The following PTPRD variants were observed in gnomAD, a reference collection of about 807,000 sequenced individuals.
The protein encoded by PTPRD is protein tyrosine phosphatase receptor type D, also known as receptor-type tyrosine-protein phosphatase delta.
PTPRD carries 34 observed loss-of-function variants against 214.5 expected under a neutral mutation model. That is an observed-to-expected ratio of 0.16 (90% CI 0.12 to 0.21). PTPRD has a LOEUF of 0.21. PTPRD is among the 10% of genes least tolerant of loss of function. The pLI is 1.00. For missense variants in PTPRD, 2,545 were observed against 2,398.7 expected (o/e 1.06, Z -1.27); for synonymous variants, 1,128 against 845.7 (o/e 1.33, Z -5.79).
At chr9:8,599,508 A>T (rs571214098) in intron 14 of PTPRD, among the ~76,000 whole-genome samples, 10 of 152,182 alleles carry the variant, frequency 6.6e-5, no homozygotes, top group Non-Finnish European at 1.0e-4. Flanking sequence ...TTTTTTCTTA[A>T]TTCAAAAGTA....
intron 8 of PTPRD, among the ~76,000 whole-genome samples, chr9:9,458,790 A>G (rs1014260691): frequency 6.6e-6 from 1 of 152,084 alleles, no homozygotes; most frequent in African/African-American, 2.4e-5. Context: ...ATGTACAAAA[A>G]TTAGCTGAGT....
chr9:9,860,229 T>G (rs190650901), intron 5 of PTPRD, among the ~76,000 whole-genome samples: 1 of 152,326 alleles, frequency 6.6e-6, no homozygotes, highest in East Asian at 1.9e-4. Flanking sequence ...TTTTTTACTG[T>G]GGAGTCACTA....
chr9:8,801,548 C>A (rs1449270927), intron 11 of PTPRD, among the ~76,000 whole-genome samples: 1 of 152,038 alleles, frequency 6.6e-6, no homozygotes, highest in Non-Finnish European at 1.5e-5. Flanking sequence ...GAAACCCCGT[C>A]TCTACTAAAA....
At chr9:8,336,360 C>G (rs1010473227) in intron 43 of PTPRD, among the ~76,000 whole-genome samples, 2 of 149,416 alleles carry the variant, frequency 1.3e-5, no homozygotes, top group African/African-American at 5.1e-5. Context: ...AAAGGCTCCT[C>G]TATTTAATAA....
At chr9:8,996,780 C>T (rs2099398515) in intron 11 of PTPRD, among the ~76,000 whole-genome samples, 1 of 152,008 alleles carries the variant, frequency 6.6e-6, no homozygotes, top group Non-Finnish European at 1.5e-5. Context: ...TAATCACCTC[C>T]CCAAGGCCCT....
chr9:9,734,385 G>A (rs1256593774), intron 7 of PTPRD, 148 bp downstream of exon 7: 1 of 151,996 alleles, frequency 6.6e-6, no homozygotes, highest in African/African-American at 2.4e-5. Context: ...CTGGACTTAT[G>A]AGATTCAAAC....
intron 11 of PTPRD, among the ~76,000 whole-genome samples, chr9:8,908,683 A>G (rs1298277256): frequency 6.6e-6 from 1 of 151,846 alleles, no homozygotes; most frequent in Non-Finnish European, 1.5e-5. Flanking sequence ...ATCTTAAGAA[A>G]CTATAAAAAG....
At chr9:8,922,817 T>TA (rs1588091966) in intron 11 of PTPRD, among the ~76,000 whole-genome samples, 1 of 150,766 alleles carries the variant, frequency 6.6e-6, no homozygotes, top group African/African-American at 2.4e-5. Flanking sequence ...CGGCTAATTT[T>TA]TTTTTTTTTT....
chr9:10,179,749 A>T (rs939029296), intron 3 of PTPRD, among the ~76,000 whole-genome samples: 1 of 152,092 alleles, frequency 6.6e-6, no homozygotes, highest in Admixed American at 6.6e-5. Flanking sequence ...ACTGAAGCGG[A>T]GACTAACTTG....
intron 9 of PTPRD, among the ~76,000 whole-genome samples, chr9:9,309,766 T>C (rs1356353929): frequency 6.6e-6 from 1 of 152,172 alleles, no homozygotes; most frequent in Non-Finnish European, 1.5e-5. Context: ...CACAGCATCT[T>C]AGGTAGTAAG....
intron 7 of PTPRD, among the ~76,000 whole-genome samples, chr9:9,669,835 T>C (rs1223722545): frequency 6.6e-6 from 1 of 152,156 alleles, no homozygotes; most frequent in Non-Finnish European, 1.5e-5. Context: ...TCAGCAAATT[T>C]AGATAGTGAC....
chr9:8,645,222 T>G (rs1056355432), intron 12 of PTPRD, among the ~76,000 whole-genome samples: 1 of 152,222 alleles, frequency 6.6e-6, no homozygotes, highest in Admixed American at 6.5e-5. Context: ...TATTTAAAAG[T>G]TCTCTTAAAG....
At chr9:9,059,739 T>C (rs1040528106) in intron 10 of PTPRD, among the ~76,000 whole-genome samples, 1 of 152,024 alleles carries the variant, frequency 6.6e-6, no homozygotes, top group Admixed American at 6.6e-5. Flanking sequence ...GGTTCTTAGA[T>C]ACAAGGTAAA....
At chr9:8,965,790 C>A (rs2099190309) in intron 11 of PTPRD, among the ~76,000 whole-genome samples, 1 of 151,974 alleles carries the variant, frequency 6.6e-6, no homozygotes, top group South Asian at 2.1e-4. Context: ...CTAGCCAGAG[C>A]AATTAGGCAA....
chr9:8,488,678 A>T (rs1001332507), intron 27 of PTPRD, among the ~76,000 whole-genome samples: 1 of 152,240 alleles, frequency 6.6e-6, no homozygotes, highest in African/African-American at 2.4e-5. Context: ...ATTTTAAAAT[A>T]GTACTTTAAT....
chr9:8,807,234 G>A (rs1016855463), intron 11 of PTPRD, among the ~76,000 whole-genome samples: 2 of 152,142 alleles, frequency 1.3e-5, no homozygotes, highest in Non-Finnish European at 2.9e-5. Context: ...CTACTTGTGA[G>A]GCTGAGGCAG....
chr9:9,028,592 TC>T (rs1279972044), intron 10 of PTPRD, among the ~76,000 whole-genome samples: 13 of 152,106 alleles, frequency 8.5e-5, no homozygotes, highest in Non-Finnish European at 4.4e-5. Context: ...AACTCCATTT[TC>T]TCATTACTCC....
At chr9:9,298,589 G>T (rs1954031543) in intron 9 of PTPRD, among the ~76,000 whole-genome samples, 1 of 151,650 alleles carries the variant, frequency 6.6e-6, no homozygotes, top group South Asian at 2.1e-4. Context: ...GAAGTGTTTT[G>T]CAATGCTGCA....
At chr9:10,403,171 T>G (rs2098299589) in intron 2 of PTPRD, among the ~76,000 whole-genome samples, 1 of 146,548 alleles carries the variant, frequency 6.8e-6, no homozygotes, top group African/African-American at 2.5e-5. Context: ...GCTTTGGCCT[T>G]AAGCACTTTG....
Sources: gnomAD v4.1 joint callset for allele counts (sites outside exome capture counted in the v4.1 genomes callset) on GRCh38, gnomAD v4.1.1 for gene constraint, MANE v1.5 for transcripts, NCBI Gene and HGNC (gene_info 2026-07-23, HGNC 2026-07-21) for gene names.